Variants in PDE4D observed in about 807,000 individuals in gnomAD.
The protein encoded by PDE4D is phosphodiesterase 4D, also known as 3',5'-cyclic-AMP phosphodiesterase 4D.
Under a neutral mutation model 87.4 loss-of-function variants are expected in PDE4D, and 24 were observed. The observed-to-expected ratio is 0.27, with a 90% CI of 0.20 to 0.39. The LOEUF (loss-of-function observed/expected upper bound fraction) is 0.39, where lower values mean the gene tolerates loss of function less well. Ranked by LOEUF, PDE4D falls within the 10% of genes least tolerant of loss-of-function variation. The pLI is 1.00. For missense variants in PDE4D, 714 were observed against 1,041.0 expected (o/e 0.69, Z 4.32); for synonymous variants, 384 against 383.2 (o/e 1.00, Z -0.02).
intron 1 of PDE4D, among the ~76,000 whole-genome samples, chr5:59,695,669 A>G (rs968878739): frequency 6.6e-6 from 1 of 152,106 alleles, no homozygotes; most frequent in African/African-American, 2.4e-5. Flanking sequence ...TGGTACAAAC[A>G]CAGTTCGCTG....
chr5:59,971,994 C>T (rs1308889787), intron 3 of PDE4D, among the ~76,000 whole-genome samples: 1 of 152,186 alleles, frequency 6.6e-6, no homozygotes, highest in Non-Finnish European at 1.5e-5. Context: ...CTGGATCAGT[C>T]TGCCTGGGAC....
intron 1 of PDE4D, among the ~76,000 whole-genome samples, chr5:59,293,028 C>T (rs1768347687): frequency 6.6e-6 from 1 of 152,120 alleles, no homozygotes; most frequent in African/African-American, 2.4e-5. Flanking sequence ...CCAGCTCATA[C>T]TTAGTATCAT....
chr5:59,376,826 CA>C lies in PDE4D; in HGVS notation c.456-160859del, dbSNP rs766941706. ...TAACCAAAACGGCATGGTACTGGTA[CA>C]AAAACAGACACATAGACAAATGGAA... On this transcript the variant is annotated intron_variant, in intron 1 of 14. Coordinates refer to ENST00000340635, the MANE Select transcript of PDE4D (RefSeq NM_001104631.2). Among the ~76,000 whole-genome samples, 21 of 152,126 alleles carry C rather than the reference CA, an allele frequency of 1.4e-4. No individual in the cohort carries two copies. In the East Asian group the frequency reaches 3.1e-3, roughly 22 times the overall value.
At chr5:59,674,913 T>C (rs897757022) in intron 1 of PDE4D, among the ~76,000 whole-genome samples, 6 of 152,224 alleles carry the variant, frequency 3.9e-5, no homozygotes, top group African/African-American at 7.2e-5. Flanking sequence ...TATCTTGAAA[T>C]GTTGCAGAGG....
intron 1 of PDE4D, among the ~76,000 whole-genome samples, chr5:59,498,647 A>G (rs1349480244): frequency 6.6e-6 from 1 of 152,088 alleles, no homozygotes; most frequent in Non-Finnish European, 1.5e-5. Flanking sequence ...ATCAGAAAAA[A>G]TAGACATTAA....
rs528844976 is a variant in PDE4D, at chr5:60,299,059, G to T, written c.-89-113372C>A. Among the ~76,000 whole-genome samples, 39 of 152,272 alleles carry T rather than the reference G, an allele frequency of 2.6e-4. No individual in the cohort carries two copies. In the East Asian group the frequency reaches 7.5e-3, roughly 29 times the overall value. Reference sequence around the variant, plus strand: ...CTGGATTGTGTCTTCATTCCAAGTGGAGTCGGAAATTTAAAAATCAAATAA... The same window carrying T: ...CTGGATTGTGTCTTCATTCCAAGTGTAGTCGGAAATTTAAAAATCAAATAA... On this transcript the variant is annotated intron_variant, in intron 1 of 16. Transcript: ENST00000502484.
At chr5:60,281,517 G>A (rs2149747775) in intron 1 of PDE4D, among the ~76,000 whole-genome samples, 1 of 152,106 alleles carries the variant, frequency 6.6e-6, no homozygotes, top group Non-Finnish European at 1.5e-5. Flanking sequence ...CAACTACGAT[G>A]GCTGAAATCT....
chr5:59,734,662 C>CT (rs1353290842), intron 1 of PDE4D, among the ~76,000 whole-genome samples: 1 of 151,888 alleles, frequency 6.6e-6, no homozygotes, highest in East Asian at 1.9e-4. Context: ...TGTATTAAAT[C>CT]ATTTCGATTT....
chr5:60,067,133 T>A (rs1772193210), intron 2 of PDE4D, among the ~76,000 whole-genome samples: 1 of 152,166 alleles, frequency 6.6e-6, no homozygotes, highest in South Asian at 2.1e-4. Flanking sequence ...ACATTTCACT[T>A]ATTCATTTTC....
chr5:59,892,145 T>C (rs1751045282), intron 1 of PDE4D, among the ~76,000 whole-genome samples: 1 of 152,292 alleles, frequency 6.6e-6, no homozygotes, highest in African/African-American at 2.4e-5. Context: ...CCCTGGGTTA[T>C]CAGGAAAGGG....
intron 2 of PDE4D, among the ~76,000 whole-genome samples, chr5:60,145,349 T>C (rs1184206540): frequency 6.6e-6 from 1 of 152,222 alleles, no homozygotes; most frequent in Non-Finnish European, 1.5e-5. Context: ...TGTTTATTTA[T>C]GAGACCTTAA....
intron 2 of PDE4D, among the ~76,000 whole-genome samples, chr5:59,998,327 T>C (rs1440348330): frequency 1.3e-5 from 2 of 152,144 alleles, no homozygotes; most frequent in Non-Finnish European, 2.9e-5. Context: ...TAGTTTAATG[T>C]AGGAAACCCA....
intron 5 of PDE4D, chr5:59,091,199 C>A: frequency 2.3e-6 from 1 of 441,850 alleles, no homozygotes; most frequent in Non-Finnish European, 4.5e-6. Context: ...ATTCTCATTA[C>A]CTTCTCAACC....
At chr5:60,421,412 G>A (rs1274875630) in intron 1 of PDE4D, among the ~76,000 whole-genome samples, 1 of 152,168 alleles carries the variant, frequency 6.6e-6, no homozygotes, top group African/African-American at 2.4e-5. Flanking sequence ...ATCTGGAGTG[G>A]ACCTCCAGCA....
chr5:60,477,420 T>C (rs1748412601), intron 1 of PDE4D, among the ~76,000 whole-genome samples: 1 of 152,188 alleles, frequency 6.6e-6, no homozygotes, highest in Non-Finnish European at 1.5e-5. Flanking sequence ...CTGACCAAGC[T>C]TTAAAAACAG....
intron 1 of PDE4D, among the ~76,000 whole-genome samples, chr5:59,858,455 G>A (rs183029753): frequency 3.3e-5 from 5 of 152,048 alleles, no homozygotes; most frequent in African/African-American, 1.2e-4. Context: ...CCTCATTCAC[G>A]GGATGTCAGT....
intron 2 of PDE4D, among the ~76,000 whole-genome samples, chr5:60,085,987 C>A (rs1031005583): frequency 6.6e-6 from 1 of 152,138 alleles, no homozygotes; most frequent in Admixed American, 6.5e-5. Context: ...TTTTTAAAAG[C>A]ATATCCTCTG....
intron 2 of PDE4D, among the ~76,000 whole-genome samples, chr5:60,038,937 A>T (rs1768136500): frequency 6.6e-6 from 1 of 150,952 alleles, no homozygotes; most frequent in Non-Finnish European, 1.5e-5. Context: ...TCAGGAAACA[A>T]CAGGTGCTGG....
chr5:59,318,356 A>G (rs886317740), intron 1 of PDE4D, among the ~76,000 whole-genome samples: 28 of 152,178 alleles, frequency 1.8e-4, no homozygotes, highest in Non-Finnish European at 4.4e-5. Flanking sequence ...CTTAGGTCAC[A>G]TAGCTAGGGA....
Sources: gnomAD v4.1 joint callset for allele counts (sites outside exome capture counted in the v4.1 genomes callset) on GRCh38, gnomAD v4.1.1 for gene constraint, MANE v1.5 for transcripts, NCBI Gene and HGNC (gene_info 2026-07-23, HGNC 2026-07-21) for gene names.